F13A1: variants seen among roughly 807,000 people sequenced by gnomAD.
F13A1 encodes the protein FSF, A subunit.
In F13A1, 47 loss-of-function variants were observed where a neutral mutation model predicts 80.1. That is an observed-to-expected ratio of 0.59 (90% CI 0.46 to 0.75). The LOEUF is 0.75. Among genes scored for constraint, F13A1 ranks in the 30% least tolerant of loss-of-function variants. The pLI is 0.00. For missense variants in F13A1, 817 were observed against 930.4 expected (o/e 0.88, Z 1.59); for synonymous variants, 349 against 344.9 (o/e 1.01, Z -0.13).
At chr6:6,320,551 G>A in intron 1 of F13A1, 36 bp downstream of exon 1, 2 of 427,684 alleles carry the variant, frequency 4.7e-6, no homozygotes, top group Non-Finnish European at 9.7e-6. Flanking sequence ...GGACGCAGCG[G>A]GCCCTGGCTC....
chr6:6,230,298 G>T (rs896670749), intron 6 of F13A1, among the ~76,000 whole-genome samples: 5 of 152,154 alleles, frequency 3.3e-5, no homozygotes, highest in African/African-American at 1.2e-4. Context: ...ATGGCAGCTG[G>T]GTGACTCCTG....
At chr6:6,263,952 G>T (rs1397172026) in intron 4 of F13A1, among the ~76,000 whole-genome samples, 1 of 152,122 alleles carries the variant, frequency 6.6e-6, no homozygotes, top group Non-Finnish European at 1.5e-5. Flanking sequence ...TTCCAAATTG[G>T]TCTCTGGTTT....
chr6:6,148,333 G>A (rs148540588), intron 14 of F13A1, among the ~76,000 whole-genome samples: 2 of 152,200 alleles, frequency 1.3e-5, no homozygotes, highest in Non-Finnish European at 2.9e-5. Context: ...ACACAGCACC[G>A]CCTTCTTTGT....
At position 6,243,352 on chromosome 6, in the gene F13A1, C is replaced by T. The variant is rs550745190; in HGVS notation, c.798+4960G>A. ...CCGTCACCACCACCATCATCACTAA[C>T]TCTATCACCACCACCACCAAACACC... On this transcript the variant is annotated intron_variant, in intron 6 of 14. Coordinates refer to ENST00000264870, the MANE Select transcript of F13A1 (RefSeq NM_000129.4). This position sits in a 1 kb window ranked among gnomAD's most constrained non-coding sequence, Gnocchi z 4.2. Among the ~76,000 whole-genome samples the T allele has an allele frequency of 6.6e-6, 1 of 152,080 alleles. No homozygotes were observed. The highest frequency in any genetic ancestry group is 2.1e-4 in the South Asian group (1 of 4,800).
intron 3 of F13A1, among the ~76,000 whole-genome samples, chr6:6,288,528 C>T (rs1758169240): frequency 6.6e-6 from 1 of 152,160 alleles, no homozygotes; most frequent in Non-Finnish European, 1.5e-5. Context: ...GTATAGTACT[C>T]CATTGTGTCT....
At chr6:6,158,722 A>G (rs1010726286) in intron 13 of F13A1, among the ~76,000 whole-genome samples, 1 of 151,954 alleles carries the variant, frequency 6.6e-6, no homozygotes, top group South Asian at 2.1e-4. Context: ...TGGAGGGGAA[A>G]ATGGTCAGGG....
chr6:6,166,976 C>T lies in F13A1; in HGVS notation c.1908+482G>A, dbSNP rs76211095. Among the ~76,000 whole-genome samples the T allele has an allele frequency of 6.5e-3, 995 of 152,326 alleles. 14 individuals carry two copies. Among genetic ancestry groups the T allele is most frequent in the African/African-American group, 0.023 (965 of 41,582 alleles). ...ATCTGGCTTGTGGTTGCAAGGCACA[C>T]GCACATACAAAATCATCATCAAGCT... On this transcript the variant is annotated intron_variant, in intron 13 of 14. Coordinates refer to ENST00000264870, the MANE Select transcript of F13A1 (RefSeq NM_000129.4).
chr6:6,171,518 G>A (rs1333176136), intron 12 of F13A1, among the ~76,000 whole-genome samples: 2 of 152,120 alleles, frequency 1.3e-5, no homozygotes, highest in African/African-American at 4.8e-5. Flanking sequence ...GATCGGACTG[G>A]TTCTCGCTGC....
intron 2 of F13A1, among the ~76,000 whole-genome samples, chr6:6,317,112 G>C (rs1253298121): frequency 6.6e-6 from 1 of 152,076 alleles, no homozygotes; most frequent in Non-Finnish European, 1.5e-5. Flanking sequence ...GGGCCACAGG[G>C]GAATTTTGCT....
At chr6:6,211,297 G>A (rs3024421) in intron 8 of F13A1, among the ~76,000 whole-genome samples, 14,607 of 152,254 alleles carry the variant, frequency 0.096, 1,116 homozygotes, top group East Asian at 0.43. Flanking sequence ...ACTATTGTGT[G>A]CCTTCAGTGT....
At chr6:6,181,787 C>G (rs1760989971) in intron 11 of F13A1, among the ~76,000 whole-genome samples, 1 of 152,120 alleles carries the variant, frequency 6.6e-6, no homozygotes, top group Admixed American at 6.5e-5. Context: ...GAGAATTCTG[C>G]CCAAAGCAAG....
At chr6:6,277,927 G>C (rs1328714694) in intron 3 of F13A1, among the ~76,000 whole-genome samples, 2 of 152,208 alleles carry the variant, frequency 1.3e-5, no homozygotes, top group African/African-American at 4.8e-5. Context: ...ATAAATTCCT[G>C]TTCCATCTTC....
chr6:6,297,463 G>A (rs1758348105), intron 3 of F13A1, among the ~76,000 whole-genome samples: 1 of 151,108 alleles, frequency 6.6e-6, no homozygotes, highest in Middle Eastern at 3.4e-3. Flanking sequence ...ACTTCTTCCT[G>A]GTTTAGTCTT....
At chr6:6,299,142 T>C (rs1758380216) in intron 3 of F13A1, among the ~76,000 whole-genome samples, 1 of 142,238 alleles carries the variant, frequency 7.0e-6, no homozygotes, top group Admixed American at 6.9e-5. Flanking sequence ...GGGCTTCCCT[T>C]TGAGGGTAAC....
intron 2 of F13A1, among the ~76,000 whole-genome samples, chr6:6,308,166 C>T (rs1020160896): frequency 2.0e-5 from 3 of 152,090 alleles, no homozygotes; most frequent in African/African-American, 4.8e-5. Context: ...AGGCACTCAC[C>T]ACCATGCCCC....
At chr6:6,185,022 C>G (rs1456773216) in intron 10 of F13A1, among the ~76,000 whole-genome samples, 1 of 152,040 alleles carries the variant, frequency 6.6e-6, no homozygotes, top group Non-Finnish European at 1.5e-5. Context: ...TGGCCCCACC[C>G]AAAATCAATT....
chr6:6,314,202 G>A (rs898535981), intron 2 of F13A1, among the ~76,000 whole-genome samples: 1 of 151,884 alleles, frequency 6.6e-6, no homozygotes, highest in Non-Finnish European at 1.5e-5. Flanking sequence ...GGCTGGTCTC[G>A]AACTCCTGAT....
intron 10 of F13A1, among the ~76,000 whole-genome samples, chr6:6,194,812 G>A (rs770045206): frequency 6.6e-6 from 1 of 152,192 alleles, no homozygotes; most frequent in African/African-American, 2.4e-5. Flanking sequence ...GTACTAGAGT[G>A]CAATGGTTAC....
intron 2 of F13A1, among the ~76,000 whole-genome samples, chr6:6,308,364 C>T (rs1758542250): frequency 6.6e-6 from 1 of 151,710 alleles, no homozygotes; most frequent in Admixed American, 6.6e-5. Context: ...AACTTTTATC[C>T]AACGCTCTGT....
Sources: allele counts gnomAD v4.1 joint callset (sites outside exome capture counted in the v4.1 genomes callset), GRCh38; gene constraint gnomAD v4.1.1; non-coding constraint Gnocchi (gnomAD v3.1); transcripts MANE v1.5; gene names NCBI Gene and HGNC (gene_info 2026-07-23, HGNC 2026-07-21).